PRDM5: variants seen among roughly 807,000 people sequenced by gnomAD.
PRDM5 encodes PR domain zinc finger protein 5.
A neutral mutation model predicts 81.2 loss-of-function variants in PRDM5; 56 were observed. The ratio of observed to expected loss-of-function variants is 0.69; its 90% CI spans 0.56 to 0.86. PRDM5 has a LOEUF of 0.86. Among genes scored for constraint, PRDM5 ranks in the 40% least tolerant of loss-of-function variants. The pLI, the probability that PRDM5 is intolerant of heterozygous loss-of-function variation, is 0.00. For missense variants in PRDM5, 697 were observed against 770.1 expected, an observed-to-expected ratio of 0.91 and a Z score of 1.12; for synonymous variants, 267 against 256.4, an observed-to-expected ratio of 1.04 and a Z score of -0.39.
At chr4:120,740,440 C>T (rs1300995342) in intron 14 of PRDM5, among the ~76,000 whole-genome samples, 1 of 152,134 alleles carries the variant, frequency 6.6e-6, no homozygotes, top group Non-Finnish European at 1.5e-5. Context: ...AATCCAGTAT[C>T]CGCTCCTCCC....
chr4:120,851,612 G>A (rs1411000276), intron 3 of PRDM5, among the ~76,000 whole-genome samples: 3 of 151,972 alleles, frequency 2.0e-5, no homozygotes, highest in Non-Finnish European at 4.4e-5. Flanking sequence ...CATCTCTCAT[G>A]TATCCATGCA....
chr4:120,872,150 CAAAAAAA>C (rs70948365), intron 2 of PRDM5, among the ~76,000 whole-genome samples: 7 of 41,836 alleles, frequency 1.7e-4, no homozygotes, highest in African/African-American at 2.4e-4. Context: ...GACTCCATCT[CAAAAAAA>C]AAAAAAAAAA....
At chr4:120,755,120 T>C (rs927335688) in intron 13 of PRDM5, among the ~76,000 whole-genome samples, 3 of 152,314 alleles carry the variant, frequency 2.0e-5, no homozygotes, top group African/African-American at 7.2e-5. Flanking sequence ...TTTCATAAAA[T>C]TGGTATATGT....
intron 2 of PRDM5, among the ~76,000 whole-genome samples, chr4:120,891,876 T>A (rs1764085219): frequency 6.6e-6 from 1 of 152,190 alleles, no homozygotes; most frequent in Admixed American, 6.5e-5. Context: ...GCGATCCACC[T>A]GCCTCGGTCT....
chr4:120,829,632 T>G (rs1349347), intron 3 of PRDM5, among the ~76,000 whole-genome samples: 38,368 of 152,040 alleles, frequency 0.25, 5,627 homozygotes, highest in East Asian at 0.36. Flanking sequence ...GTATGTCGCT[T>G]AACTCAGTTT....
At chr4:120,888,197 T>A (rs1309324151) in intron 2 of PRDM5, among the ~76,000 whole-genome samples, 1 of 152,326 alleles carries the variant, frequency 6.6e-6, no homozygotes, top group Non-Finnish European at 1.5e-5. Context: ...TACATCTCAA[T>A]GAATTCTCAC....
chr4:120,821,428 G>T, intron 3 of PRDM5, 83 bp from the exon 4 acceptor site: 1 of 1,277,692 alleles, frequency 7.8e-7, no homozygotes, highest in Non-Finnish European at 1.1e-6. Flanking sequence ...CATTAATGGA[G>T]TACTATGTGT....
intron 15 of PRDM5, among the ~76,000 whole-genome samples, chr4:120,709,825 T>C (rs999128632): frequency 3.3e-5 from 5 of 152,216 alleles, no homozygotes; most frequent in Admixed American, 2.0e-4. Context: ...CCAAATGTCA[T>C]AAGCAGAAAA....
At chr4:120,812,748 C>T (rs1004716430) in intron 7 of PRDM5, 8 of 389,452 alleles carry the variant, frequency 2.1e-5, no homozygotes, top group Non-Finnish European at 3.4e-5. Flanking sequence ...TTTGAGACAT[C>T]TTCACAGCTT....
intron 2 of PRDM5, among the ~76,000 whole-genome samples, chr4:120,854,500 T>A (rs1029697631): frequency 1.3e-5 from 2 of 152,132 alleles, no homozygotes; most frequent in African/African-American, 4.8e-5. Context: ...TCCAAAATTT[T>A]ATTTTATAAA....
intron 2 of PRDM5, among the ~76,000 whole-genome samples, chr4:120,893,282 A>G (rs911935413): frequency 1.3e-5 from 2 of 152,192 alleles, no homozygotes; most frequent in Non-Finnish European, 1.5e-5. Flanking sequence ...CACTGAACCT[A>G]GACAGACTGG....
At position 120,892,371 on chromosome 4, in the gene PRDM5, A is replaced by G. The variant is rs201867711; in HGVS notation, c.177+15103T>C. On this transcript the variant is annotated intron_variant, in intron 2 of 15. Transcript: ENST00000264808. ...TGAGTTCAGGTCCCGAACGTCACTG[A>G]TAGTTTTGTCTCAATGATCTAATAC... is the stretch of plus-strand genomic sequence containing the variant. Among the ~76,000 whole-genome samples the G allele has an allele frequency of 2.6e-5, 4 of 152,196 alleles. No individual in the cohort carries two copies. The East Asian group carries it at 7.7e-4, about 29-fold the overall frequency.
chr4:120,833,877 G>A (rs367628587), intron 3 of PRDM5, among the ~76,000 whole-genome samples: 8 of 152,270 alleles, frequency 5.3e-5, no homozygotes, highest in African/African-American at 1.4e-4. Flanking sequence ...GTAGTTTCAC[G>A]ATGATGTTTG....
intron 2 of PRDM5, among the ~76,000 whole-genome samples, chr4:120,898,754 C>T (rs1764926127): frequency 1.3e-5 from 2 of 152,142 alleles, no homozygotes; most frequent in Non-Finnish European, 1.5e-5. Flanking sequence ...TTTCTTTATA[C>T]CATATATCAC....
At position 120,853,484 on chromosome 4, in the gene PRDM5, G is replaced by A. The variant is rs1421030534; in HGVS notation, c.234C>T (p.His78=). ...LYILDATNPR[H]SNWLRFVHEA... ...CATGAACGAAGCGAAGCCAGTTGGA[G>A]TGCCGTGGGTTGGTAGCATCCAAAA... is the stretch of plus-strand genomic sequence containing the variant. Residue 78 remains histidine, a synonymous_variant, in exon 3 of 16, where the codon CAC becomes CAT. Coordinates refer to ENST00000264808, the MANE Select transcript of PRDM5 (RefSeq NM_018699.4). The A allele has an allele frequency of 6.2e-7, 1 of 1,613,808 alleles. No individual in the cohort carries two copies. The highest frequency in any genetic ancestry group is 2.2e-5 in the East Asian group (1 of 44,866).
chr4:120,727,669 C>T (rs1739621086), intron 14 of PRDM5, among the ~76,000 whole-genome samples: 1 of 152,142 alleles, frequency 6.6e-6, no homozygotes. Flanking sequence ...GGCACGGTGG[C>T]TCACGCATGT....
chr4:120,873,979 CATA>C (rs1023648306), intron 2 of PRDM5, among the ~76,000 whole-genome samples: 1 of 152,032 alleles, frequency 6.6e-6, no homozygotes, highest in Admixed American at 6.6e-5. Context: ...TTAATTGACA[CATA>C]ATAATTGTAC....
At chr4:120,864,259 A>G (rs1282401721) in intron 2 of PRDM5, among the ~76,000 whole-genome samples, 1 of 152,240 alleles carries the variant, frequency 6.6e-6, no homozygotes, top group East Asian at 1.9e-4. Flanking sequence ...TAATTTATTA[A>G]TCTACATCTT....
chr4:120,782,171 A>G (rs955911407), intron 11 of PRDM5, among the ~76,000 whole-genome samples: 2 of 152,230 alleles, frequency 1.3e-5, no homozygotes, highest in African/African-American at 2.4e-5. Context: ...ACGATGTTTA[A>G]TAACAATACG....
Sources: allele counts gnomAD v4.1 joint callset (sites outside exome capture counted in the v4.1 genomes callset), GRCh38; gene constraint gnomAD v4.1.1; transcripts MANE v1.5; gene names NCBI Gene and HGNC (gene_info 2026-07-23, HGNC 2026-07-21).